TM4SF20: variants seen among roughly 807,000 people sequenced by gnomAD.
The protein encoded by TM4SF20 is transmembrane 4 L6 family member 20.
Under a neutral mutation model 15.1 loss-of-function variants are expected in TM4SF20, and 13 were observed. That is an observed-to-expected ratio of 0.86 (90% CI 0.56 to 1.36). TM4SF20 has a LOEUF of 1.36. TM4SF20 is among the 40% of genes most tolerant of loss of function. The pLI, the probability that TM4SF20 is intolerant of heterozygous loss-of-function variation, is 0.00. For synonymous variants in TM4SF20, 92 were observed against 96.6 expected (o/e 0.95, Z 0.28); for missense variants, 282 against 268.4 (o/e 1.05, Z -0.35).
At chr2:227,375,550 C>T (rs1282519623) in intron 1 of TM4SF20, among the ~76,000 whole-genome samples, 1 of 152,148 alleles carries the variant, frequency 6.6e-6, no homozygotes, top group South Asian at 2.1e-4. Flanking sequence ...AGTACAGTGG[C>T]GCGATCTCAG....
At chr2:227,381,328 GA>G (rs2076479128), upstream of TM4SF20, among the ~76,000 whole-genome samples, 1 of 151,736 alleles carries the variant, frequency 6.6e-6, no homozygotes, top group Non-Finnish European at 1.5e-5. Context: ...AAAACACCGA[GA>G]ATAACTGAAA....
At chr2:227,369,562 G>A (rs2076410556) in intron 2 of TM4SF20, among the ~76,000 whole-genome samples, 1 of 151,818 alleles carries the variant, frequency 6.6e-6, no homozygotes, top group Non-Finnish European at 1.5e-5. Context: ...CTGAGTATCT[G>A]GGATTACAGG....
chr2:227,366,279 T>C (rs1163952225), intron 2 of TM4SF20, 35 bp from the exon 3 acceptor site: 7 of 1,593,490 alleles, frequency 4.4e-6, no homozygotes, highest in Non-Finnish European at 5.1e-6. Flanking sequence ...GCACATGTTA[T>C]GACATGTTCT....
chr2:227,379,319 C>A, upstream of TM4SF20: 1 of 1,500,808 alleles, frequency 6.7e-7, no homozygotes, highest in Non-Finnish European at 9.1e-7. Flanking sequence ...TTGCATGGTA[C>A]TATGTTGCCT....
At chr2:227,378,934 A>G (rs2076464491) in intron 1 of TM4SF20, 152 bp downstream of exon 1, 1 of 707,186 alleles carries the variant, frequency 1.4e-6, no homozygotes. Context: ...ACCATTCTTC[A>G]CTGATGACCA....
intron 1 of TM4SF20, among the ~76,000 whole-genome samples, chr2:227,375,919 C>T (rs936581464): frequency 2.4e-4 from 36 of 152,034 alleles, no homozygotes; most frequent in African/African-American, 8.5e-4. Context: ...AATAAAATGG[C>T]CTTTCTGTTT....
chr2:227,375,186 C>T (rs2076441499), intron 1 of TM4SF20, among the ~76,000 whole-genome samples: 1 of 151,960 alleles, frequency 6.6e-6, no homozygotes, highest in Admixed American at 6.6e-5. Flanking sequence ...CTCAGCCTCT[C>T]AAGATGCTGG....
At chr2:227,370,087 T>A (rs954062180) in intron 2 of TM4SF20, among the ~76,000 whole-genome samples, 1 of 152,180 alleles carries the variant, frequency 6.6e-6, no homozygotes, top group Non-Finnish European at 1.5e-5. Flanking sequence ...TAATTTACTT[T>A]TAACTTCGTT....
intron 3 of TM4SF20, among the ~76,000 whole-genome samples, chr2:227,364,236 C>T (rs1438291092): frequency 6.6e-6 from 1 of 152,150 alleles, no homozygotes; most frequent in Non-Finnish European, 1.5e-5. Context: ...TATGGTACAT[C>T]TTCTCTTAGG....
chr2:227,366,283 A>G, intron 2 of TM4SF20, 39 bp from the exon 3 acceptor site: 1 of 1,587,330 alleles, frequency 6.3e-7, no homozygotes, highest in Middle Eastern at 1.7e-4. Context: ...ATGTTATGAC[A>G]TGTTCTTGAT....
At chr2:227,371,445 A>C (rs1189224803) in intron 1 of TM4SF20, among the ~76,000 whole-genome samples, 1 of 152,084 alleles carries the variant, frequency 6.6e-6, no homozygotes, top group African/African-American at 2.4e-5. Context: ...GGCTCAAATA[A>C]TCCTCCTGCC....
In TM4SF20 at chr2:227,363,677, C is replaced by T. The variant is rs774111784; in HGVS notation, c.*47G>A. 5.2e-6 allele frequency: 8 copies of T among 1,543,972 alleles called. No homozygotes were observed. The highest frequency in any genetic ancestry group is 1.4e-5 in the African/African-American group (1 of 72,608). ...GATGACTTTGAAAACAAGTGTACTT[C>T]TCAAATTAATTCAAACTACTGATAC... is the stretch of plus-strand genomic sequence containing the variant. On this transcript the variant is annotated 3_prime_UTR_variant, in exon 4 of 4. Transcript: ENST00000304568.
chr2:227,363,842 A>T lies in TM4SF20; in HGVS notation c.572T>A (p.Val191Glu). Residue 191 changes from valine (V) to glutamate (E), a missense_variant, in exon 4 of 4, where the codon GTA becomes GAA. Coordinates refer to ENST00000304568, the MANE Select transcript of TM4SF20 (RefSeq NM_024795.4). ...TCCAACAAGCAATAGACCTAAAAAT[A>T]CTGAGAAGTGGATAAGCCTATGTTT... ...ENKHRLIHFS[V>E]FLGLLLVGIL... 2.5e-6 allele frequency: 4 copies of T among 1,614,178 alleles called. No homozygotes were observed. Among genetic ancestry groups the T allele is most frequent in the Non-Finnish European group, 3.4e-6 (4 of 1,180,036 alleles).
In TM4SF20 at chr2:227,370,936, C is replaced by G. The variant is rs138547735; in HGVS notation, c.228G>C (p.Ala76=). 3.7e-6 allele frequency: 6 copies of G among 1,613,996 alleles called. No individual in the cohort carries two copies. The South Asian group carries it at 5.5e-5, about 15-fold the overall frequency. The change falls in exon 2 of 4, where the codon GCG becomes GCC. Residue 76 remains alanine, a synonymous_variant. Coordinates refer to ENST00000304568, the MANE Select transcript of TM4SF20 (RefSeq NM_024795.4). ...TTACTCCAGTTCTGTTGTTGCAGCA[C>G]GCTCTTTTTCTTGCTGTCAAGGACA... The part of the protein sequence containing the change: ...TTMSLTARKR[A]CCNNRTGMFL...
chr2:227,379,045 G>T (rs1275379516), intron 1 of TM4SF20, 41 bp downstream of exon 1: 1 of 1,590,966 alleles, frequency 6.3e-7, no homozygotes, highest in South Asian at 1.1e-5. Flanking sequence ...GGTGAAATAG[G>T]CAGGCCCTTC....
chr2:227,363,751 G>T lies in TM4SF20; in HGVS notation c.663C>A (p.Val221=). 6.2e-7 allele frequency: 1 copy of T among 1,613,844 alleles called. No individual in the cohort carries two copies. Among genetic ancestry groups the T allele is most frequent in the South Asian group, 1.1e-5 (1 of 91,038 alleles). The change falls in exon 4 of 4, where the codon GTC becomes GTA. Residue 221 remains valine (V), a synonymous_variant. Transcript: ENST00000304568. ...VIGFLGCLCG[V]SKRRSQIV ...ACACAATTTGACTTCTTCGCTTAGA[G>T]ACTCCACACAGACAGCCAAGGAAAC...
chr2:227,363,415 C>CAAAAAA lies in TM4SF20; in HGVS notation c.*303_*308dup, dbSNP rs5839210. ...TCCAGCCTTTTTTGAGACCCTGTCT[C>CAAAAAA]AAAAAAAAAAAAAAAAAGTCCTGTA... On this transcript the variant is annotated 3_prime_UTR_variant, in exon 4 of 4. Transcript: ENST00000304568. The CAAAAAA allele has an allele frequency of 2.1e-4, 29 of 139,972 alleles. No homozygotes were observed. Among genetic ancestry groups the CAAAAAA allele is most frequent in the South Asian group, 1.2e-3 (9 of 7,212 alleles). The allele number at this position is 139,972 out of a possible 1,614,324, so 8.7% of individuals were successfully genotyped here. A position where few individuals can be genotyped will look rare whatever the true frequency, so the allele number is the denominator to read the frequency against.
rs2076374434 is a variant in TM4SF20 at position 227,363,649 on chromosome 2, A to C, written c.*75T>G. ...AAGGGTTGATTTTTTAAATCATCTC[A>C]AAGATGACTTTGAAAACAAGTGTAC... On this transcript the variant is annotated 3_prime_UTR_variant, in exon 4 of 4. Coordinates refer to ENST00000304568, the MANE Select transcript of TM4SF20 (RefSeq NM_024795.4). 1 of 1,453,052 alleles carries C rather than the reference A, an allele frequency of 6.9e-7. No individual in the cohort carries two copies. Among genetic ancestry groups the C allele is most frequent in the Non-Finnish European group, 9.3e-7 (1 of 1,076,734 alleles). 90.0% of individuals were successfully genotyped at this position (1,453,052 alleles called of 1,614,324 possible).
intron 3 of TM4SF20, among the ~76,000 whole-genome samples, chr2:227,364,383 A>ACCCCC (rs1315331304): frequency 3.8e-4 from 54 of 143,494 alleles, no homozygotes; most frequent in African/African-American, 1.3e-3. Flanking sequence ...AGCCTCCCCT[A>ACCCCC]CCCCCCGCCA....
Sources: gnomAD v4.1 joint callset for allele counts (sites outside exome capture counted in the v4.1 genomes callset) on GRCh38, gnomAD v4.1.1 for gene constraint, MANE v1.5 for transcripts, NCBI Gene and HGNC (gene_info 2026-07-23, HGNC 2026-07-21) for gene names.